RBM44: variants seen among roughly 807,000 people sequenced by gnomAD.
RBM44 encodes the protein RNA binding motif protein 44.
A neutral mutation model predicts 105.1 loss-of-function variants in RBM44; 66 were observed. That is an observed-to-expected ratio of 0.63 (90% CI 0.52 to 0.77). The LOEUF (loss-of-function observed/expected upper bound fraction) is 0.77, where lower values mean the gene tolerates loss of function less well. Ranked by LOEUF, RBM44 falls within the 30% of genes least tolerant of loss-of-function variation. The pLI, the probability that RBM44 is intolerant of heterozygous loss-of-function variation, is 0.00. For missense variants in RBM44, 1,122 were observed against 1,207.8 expected (o/e 0.93, Z 1.05); for synonymous variants, 365 against 417.6 (o/e 0.87, Z 1.54).
rs1414459380 is a variant in RBM44, at chr2:237,823,482, T to C, written c.2248T>C (p.Ser750Pro). 4 of 1,540,706 alleles carry C rather than the reference T, an allele frequency of 2.6e-6. No individual in the cohort carries two copies. Among genetic ancestry groups the C allele is most frequent in the African/African-American group, 2.7e-5 (2 of 72,996 alleles). ...SDNSHATQNI[S>P]PKKDDFKNGD... ...CAATAGTCATGCTACACAAAACATA[T>C]CACCCAAGAAAGATGACTTTAAAAA... The change falls in exon 9 of 16, where the codon TCA becomes CCA. Residue 750 changes from serine to proline, a missense_variant. Ser to Pro is a moderately conservative substitution (Grantham distance 74, BLOSUM62 -1). Around this residue, in one of 3 missense-constraint regions of RBM44, gnomAD observed 918 missense variants for 955.3 expected, o/e 0.96. Coordinates refer to ENST00000316997, the MANE Select transcript of RBM44 (RefSeq NM_001080504.3).
rs1576493908 is a variant in RBM44 at position 237,803,306 on chromosome 2, C to T, written c.-19+4445C>T. On this transcript the variant is annotated intron_variant, in intron 1 of 15. Transcript: ENST00000316997. The surrounding 1 kb of genome is among the most constrained non-coding windows in gnomAD (Gnocchi z 4.2). ...TGTCTCTGGGTGACAGAGCGAGACA[C>T]ACACACACACACATACTCTCTCTCT... Among the ~76,000 whole-genome samples the T allele has an allele frequency of 6.6e-6, 1 of 151,604 alleles. No individual in the cohort carries two copies. The highest frequency in any genetic ancestry group is 3.4e-3 in the Middle Eastern group (1 of 294).
chr2:237,840,760 C>T (rs1222835251), intron 15 of RBM44, among the ~76,000 whole-genome samples: 3 of 152,110 alleles, frequency 2.0e-5, no homozygotes, highest in Non-Finnish European at 4.4e-5. Context: ...GGGTGAAGGA[C>T]ATGAACAGAC....
Position 237,823,486 on chromosome 2 carries a change from C to G in RBM44, c.2252C>G (p.Pro751Arg), listed in dbSNP as rs866649371. 6.5e-7 allele frequency: 1 copy of G among 1,541,254 alleles called. No individual in the cohort carries two copies. Among genetic ancestry groups the G allele is most frequent in the South Asian group, 1.2e-5 (1 of 83,788 alleles). Residue 751 changes from proline to arginine, a missense_variant, in exon 9 of 16, where the codon CCC (proline) becomes CGC (arginine). Transcript: ENST00000316997. ...AGTCATGCTACACAAAACATATCACCCAAGAAAGATGACTTTAAAAATGGT... is the reference window on the plus strand; with the variant it reads ...AGTCATGCTACACAAAACATATCACGCAAGAAAGATGACTTTAAAAATGGT... Reference protein sequence around the residue: ...DNSHATQNISPKKDDFKNGDI... With the variant: ...DNSHATQNISRKKDDFKNGDI...
At position 237,817,518 on chromosome 2, in the gene RBM44, A is replaced by G. The variant is rs536784441; in HGVS notation, c.599A>G (p.His200Arg). Residue 200 changes from histidine (H) to arginine (R), a missense_variant, in exon 3 of 16, where the codon CAT becomes CGT. Physicochemically the swap from His to Arg is conservative, Grantham distance 29 (BLOSUM62 0). Coordinates refer to ENST00000316997, the MANE Select transcript of RBM44 (RefSeq NM_001080504.3). ...GAAGAACAAGAATACATAAGTAACCATTTATCTTTTGACCAAACAAAAGCA... is the reference window on the plus strand; with the variant it reads ...GAAGAACAAGAATACATAAGTAACCGTTTATCTTTTGACCAAACAAAAGCA... Reference protein sequence around the residue: ...SAEEQEYISNHLSFDQTKALD... With the variant: ...SAEEQEYISNRLSFDQTKALD... 5.0e-6 allele frequency: 8 copies of G among 1,608,998 alleles called. No individual in the cohort carries two copies. The Admixed American group carries it at 1.2e-4, about 24-fold the overall frequency.
Position 237,817,374 on chromosome 2 carries a change from A to G in RBM44, c.455A>G (p.Asp152Gly). Residue 152 changes from aspartate (D) to glycine (G), a missense_variant, in exon 3 of 16, where the codon GAT becomes GGT. By Grantham distance (94) the Asp-to-Gly change is moderately conservative. Around this residue, in one of 3 missense-constraint regions of RBM44, gnomAD observed 918 missense variants for 955.3 expected, o/e 0.96. Transcript: ENST00000316997. ...TTTTTTAATATTTTGGAACATCAAGATAAGACTGTTGGCTTGGAAAGAATC... is the reference window on the plus strand; with the variant it reads ...TTTTTTAATATTTTGGAACATCAAGGTAAGACTGTTGGCTTGGAAAGAATC... ...EVFFNILEHQ[D>G]KTVGLERIYN... is the part of the protein sequence containing the mutation. The G allele has an allele frequency of 6.2e-7, 1 of 1,604,596 alleles. No individual in the cohort carries two copies. Among genetic ancestry groups the G allele is most frequent in the Non-Finnish European group, 8.5e-7 (1 of 1,175,474 alleles).
chr2:237,811,681 TA>T lies in RBM44; in HGVS notation c.-18-1899del, dbSNP rs1252318344. On this transcript the variant is annotated intron_variant, in intron 1 of 15. Transcript: ENST00000316997. ...TGCTGTTCACCTGCTTCTGAGTCTTTAAAAAAAAAAAACTTTTCCTAGAAAA... is the reference window on the plus strand; with the variant it reads ...TGCTGTTCACCTGCTTCTGAGTCTTTAAAAAAAAAAACTTTTCCTAGAAAA... Among the ~76,000 whole-genome samples, 1,206 of 144,962 alleles carry T rather than the reference TA, an allele frequency of 8.3e-3. 5 individuals carry two copies. The highest frequency in any genetic ancestry group is 0.021 in the Middle Eastern group (6 of 282).
intron 15 of RBM44, among the ~76,000 whole-genome samples, chr2:237,840,673 G>A (rs1349694218): frequency 2.6e-5 from 4 of 152,104 alleles, no homozygotes; most frequent in Admixed American, 2.0e-4. Flanking sequence ...TGCAAACTAT[G>A]TATCTGACAA....
intron 1 of RBM44, among the ~76,000 whole-genome samples, chr2:237,812,881 C>T (rs756474664): frequency 1.3e-5 from 2 of 152,030 alleles, no homozygotes; most frequent in African/African-American, 2.4e-5. Flanking sequence ...ATGGATATCC[C>T]GATTACCCTG....
At position 237,823,497 on chromosome 2, in the gene RBM44, G is replaced by T; in HGVS notation, c.2263G>T (p.Asp755Tyr). 1 of 1,544,458 alleles carries T rather than the reference G, an allele frequency of 6.5e-7. No individual in the cohort carries two copies. Among genetic ancestry groups the T allele is most frequent in the South Asian group, 1.2e-5 (1 of 83,914 alleles). The stretch of plus-strand genomic sequence containing the variant: ...ACAAAACATATCACCCAAGAAAGAT[G>T]ACTTTAAAAATGGTGATATAAATGC... ...ATQNISPKKD[D>Y]FKNGDINADF... is the part of the protein sequence containing the mutation. Residue 755 changes from aspartate to tyrosine, a missense_variant, in exon 9 of 16, where the codon GAC becomes TAC. Coordinates refer to ENST00000316997, the MANE Select transcript of RBM44 (RefSeq NM_001080504.3).
At chr2:237,838,072 T>C (rs1462034740) in intron 15 of RBM44, among the ~76,000 whole-genome samples, 1 of 152,208 alleles carries the variant, frequency 6.6e-6, no homozygotes, top group Non-Finnish European at 1.5e-5. Context: ...GCAAACTTCA[T>C]TGTTGTCTTA....
At chr2:237,823,215 T>A (rs925214895) in intron 8 of RBM44, among the ~76,000 whole-genome samples, 1 of 152,036 alleles carries the variant, frequency 6.6e-6, no homozygotes, top group East Asian at 1.9e-4. Context: ...ACAGTCATTA[T>A]ACACAGACTG....
intron 10 of RBM44, 117 bp from the exon 11 acceptor site, chr2:237,827,133 T>C: frequency 1.6e-5 from 10 of 637,428 alleles, no homozygotes; most frequent in Non-Finnish European, 2.5e-5. Context: ...GCTGATAACT[T>C]TATAATAAAC....
chr2:237,834,070 C>T lies in RBM44; in HGVS notation c.2960C>T (p.Pro987Leu), dbSNP rs1302337059. 3 of 1,579,506 alleles carry T rather than the reference C, an allele frequency of 1.9e-6. No individual in the cohort carries two copies. Among genetic ancestry groups the T allele is most frequent in the Non-Finnish European group, 2.6e-6 (3 of 1,160,174 alleles). Residue 987 changes from proline to leucine, a missense_variant, in exon 14 of 16, where the codon CCA becomes CTA. Physicochemically the swap from Pro to Leu is moderately conservative, Grantham distance 98 (BLOSUM62 -3). Coordinates refer to ENST00000316997, the MANE Select transcript of RBM44 (RefSeq NM_001080504.3). ...GATACACCCGTTCAATTCATACCTC[C>T]AAATACATTGAACCTTCGTAGCTTT... is the stretch of plus-strand genomic sequence containing the variant. ...LPDTPVQFIP[P>L]NTLNLRSFTK...
rs2061789830 is a variant in RBM44, at chr2:237,821,511, A to G, written c.2120+143A>G. On this transcript the variant is annotated intron_variant, in intron 7 of 15. Transcript: ENST00000316997. ...TGTTTATCTTTTTTCTTGACATTTA[A>G]TATTGTACAAATGTATGGGGTACAT... The G allele has an allele frequency of 1.0e-5, 8 of 767,910 alleles. No homozygotes were observed. In the Admixed American group the frequency reaches 1.4e-4, roughly 14 times the overall value. 47.6% of individuals were successfully genotyped at this position (767,910 alleles called of 1,614,324 possible).
intron 2 of RBM44, among the ~76,000 whole-genome samples, chr2:237,816,394 A>G (rs1348120262): frequency 1.3e-5 from 2 of 152,172 alleles, no homozygotes; most frequent in African/African-American, 4.8e-5. Context: ...AAATAAATTT[A>G]TAAGAAAAAA....
chr2:237,839,034 G>T (rs527583516), intron 15 of RBM44, among the ~76,000 whole-genome samples: 2 of 152,248 alleles, frequency 1.3e-5, no homozygotes, highest in East Asian at 3.9e-4. Flanking sequence ...AGTATAGTGA[G>T]GCACTCATCA....
At position 237,842,369 on chromosome 2, in the gene RBM44, A is replaced by T. The variant is rs566235801; in HGVS notation, c.*553A>T. The T allele has an allele frequency of 2.0e-5, 3 of 152,266 alleles. No homozygotes were observed. The allele number at this position is 152,266 out of a possible 1,614,324, so 9.4% of individuals were successfully genotyped here. ...ATGCTTTCAGGCTTCCAAGATAATT[A>T]AATTACTGTCATGATACATTTCATG... is the stretch of plus-strand genomic sequence containing the variant. On this transcript the variant is annotated 3_prime_UTR_variant, in exon 16 of 16. Coordinates refer to ENST00000316997, the MANE Select transcript of RBM44 (RefSeq NM_001080504.3).
chr2:237,829,883 C>T (rs1363061420), intron 13 of RBM44, among the ~76,000 whole-genome samples: 1 of 152,118 alleles, frequency 6.6e-6, no homozygotes, highest in Admixed American at 6.5e-5. Context: ...ATTCTCATGT[C>T]TCTCTTATGG....
rs551259061 is a variant in RBM44, at chr2:237,820,080, G to A, written c.1737-95G>A. Reference sequence around the variant, plus strand: ...TATAAATTGATTTAAACTTGACAGGGAAATATAAAAAATTTAAAATCTGTT... The same window carrying A: ...TATAAATTGATTTAAACTTGACAGGAAAATATAAAAAATTTAAAATCTGTT... On this transcript the variant is annotated intron_variant, in intron 4 of 15. Transcript: ENST00000316997. 1.0e-4 allele frequency: 63 copies of A among 610,348 alleles called. No homozygotes were observed. The Middle Eastern group carries it at 1.2e-3, about 12-fold the overall frequency. 37.8% of individuals were successfully genotyped at this position (610,348 alleles called of 1,614,324 possible).
Sources: allele counts gnomAD v4.1 joint callset (sites outside exome capture counted in the v4.1 genomes callset), GRCh38; gene constraint gnomAD v4.1.1; regional missense constraint gnomAD v4.1.1; non-coding constraint Gnocchi (gnomAD v3.1); transcripts MANE v1.5; gene names NCBI Gene and HGNC (gene_info 2026-07-23, HGNC 2026-07-21).